The following LSR variants were observed in gnomAD, a reference collection of about 807,000 sequenced individuals.
LSR encodes lipolysis stimulated lipoprotein receptor.
Under a neutral mutation model 61.8 loss-of-function variants are expected in LSR, and 44 were observed. The observed-to-expected ratio is 0.71, with a 90% CI of 0.56 to 0.91. The LOEUF (loss-of-function observed/expected upper bound fraction) is 0.91. Among genes scored for constraint, LSR ranks in the 40% least tolerant of loss-of-function variants. The pLI is 0.00. For missense variants in LSR, 911 were observed against 830.5 expected (o/e 1.10, Z -1.19); for synonymous variants, 397 against 350.6 (o/e 1.13, Z -1.48).
Position 35,266,486 on chromosome 19 carries a change from C to T in LSR, c.906C>T (p.Asn302=), listed in dbSNP as rs142130344. 2.3e-4 allele frequency: 371 copies of T among 1,612,002 alleles called. 3 individuals are homozygous for T. In the South Asian group the frequency reaches 3.6e-3, roughly 16 times the overall value. ...TGATTCCCATGGGCCCTGCCTACAA[C>T]GGGTACCCTGGAGGATACCCTGGAG... ...PAMIPMGPAY[N]GYPGGYPGDV... is the part of the protein sequence containing the mutation. The change falls in exon 6 of 10, where the codon AAC becomes AAT. Residue 302 remains asparagine (N), a synonymous_variant. Coordinates refer to ENST00000605618, the MANE Select transcript of LSR (RefSeq NM_205834.4).
In LSR at chr19:35,262,531, G is replaced by C. The variant is rs750423560; in HGVS notation, c.632-15G>C. The C allele has an allele frequency of 6.2e-7, 1 of 1,614,180 alleles. No individual in the cohort carries two copies. The highest frequency in any genetic ancestry group is 8.5e-7 in the Non-Finnish European group (1 of 1,180,022). ...TCCCAGGCCTCCGGGCTCAGGGCCT[G>C]TTGTCTTTCTGCAGACTGGCTCTTC... On this transcript the variant is annotated splice_polypyrimidine_tract_variant and intron_variant, in intron 4 of 9. Transcript: ENST00000605618.
chr19:35,254,701 G>T (rs1178054122), intron 2 of LSR, among the ~76,000 whole-genome samples: 1 of 152,108 alleles, frequency 6.6e-6, no homozygotes, highest in African/African-American at 2.4e-5. Context: ...GTTCCCACTG[G>T]AGACCTGGCA....
intron 5 of LSR, among the ~76,000 whole-genome samples, chr19:35,265,108 T>C (rs2065979798): frequency 6.6e-6 from 1 of 152,096 alleles, no homozygotes; most frequent in Non-Finnish European, 1.5e-5. Context: ...CCTGAAAAAA[T>C]TCCACTGCTC....
intron 3 of LSR, among the ~76,000 whole-genome samples, chr19:35,260,636 G>A (rs2065915068): frequency 6.6e-6 from 1 of 152,096 alleles, no homozygotes; most frequent in South Asian, 2.1e-4. Flanking sequence ...AAGGAAGACT[G>A]GGCAACATGG....
At chr19:35,253,278 C>T (rs1240813446) in intron 2 of LSR, 4 of 152,216 alleles carry the variant, frequency 2.6e-5, no homozygotes, top group African/African-American at 4.8e-5. Context: ...CAAGATTGCG[C>T]CACTGCACTC....
At position 35,258,957 on chromosome 19, in the gene LSR, C is replaced by T; in HGVS notation, c.467C>T (p.Thr156Ile). 1 of 1,613,956 alleles carries T rather than the reference C, an allele frequency of 6.2e-7. No homozygotes were observed. The highest frequency in any genetic ancestry group is 1.1e-5 in the South Asian group (1 of 91,088). Reference sequence around the variant, plus strand: ...CATCCCGACTCAGATGCTGACCTGACCTTTGACCAGACGGCGTGGGGGGAC... The same window carrying T: ...CATCCCGACTCAGATGCTGACCTGATCTTTGACCAGACGGCGTGGGGGGAC... ...RITITGNADLTFDQTAWGDSG... is the reference protein window; with the variant it reads ...RITITGNADLIFDQTAWGDSG... Residue 156 changes from threonine (T) to isoleucine (I), a missense_variant, in exon 3 of 10, where the codon ACC becomes ATC. By Grantham distance (89) the Thr-to-Ile change is moderately conservative (BLOSUM62 -1). Coordinates refer to ENST00000605618, the MANE Select transcript of LSR (RefSeq NM_205834.4).
rs755565235 is a variant in LSR at position 35,249,206 on chromosome 19, GGCGGGAA to G, written c.109+88_109+94del. On this transcript the variant is annotated intron_variant, in intron 1 of 9. Coordinates refer to ENST00000605618, the MANE Select transcript of LSR (RefSeq NM_205834.4). ...GAGGGGGATGGATGGAGTTGGAGGC[GGCGGGAA>G]GCGGGAAGCGGGGGTCTCAGAGGCT... 18 of 1,475,372 alleles carry G rather than the reference GGCGGGAA, an allele frequency of 1.2e-5. 1 individual carries two copies. The East Asian group carries it at 1.6e-4, about 13-fold the overall frequency. The allele number at this position is 1,475,372 out of a possible 1,614,324, so 91.4% of individuals were successfully genotyped here.
Position 35,265,889 on chromosome 19 carries a change from T to C in LSR, c.779-470T>C, listed in dbSNP as rs1395075254. The stretch of plus-strand genomic sequence containing the variant: ...GGGGCTTGGCTGCCAAAGAGGATAC[T>C]TGATTTCGGCTTGTGGGGACAGTGG... On this transcript the variant is annotated intron_variant, in intron 5 of 9. Transcript: ENST00000605618. Among the ~76,000 whole-genome samples the C allele has an allele frequency of 2.0e-5, 3 of 152,182 alleles. No individual in the cohort carries two copies. In the East Asian group the frequency reaches 5.8e-4, roughly 29 times the overall value.
At chr19:35,253,885 G>A (rs1258439825) in intron 2 of LSR, among the ~76,000 whole-genome samples, 1 of 152,200 alleles carries the variant, frequency 6.6e-6, no homozygotes, top group African/African-American at 2.4e-5. Context: ...CTCTGTCTCG[G>A]GGAAGGGGCC....
rs757195652 is a variant in LSR at position 35,266,951 on chromosome 19, T to C, written c.1128T>C (p.Ser376=). Residue 376 remains serine, a synonymous_variant, in exon 8 of 10, where the codon AGT becomes AGC. Transcript: ENST00000605618. The part of the protein sequence containing the change: ...NFDPSRPGPP[S]GRVERAMSEV... ...ACCCTTCTCGACCTGGCCCCCCCAG[T>C]GGCCGTGTGGAGCGGGGTAAGCAGG... The C allele has an allele frequency of 3.7e-6, 6 of 1,612,790 alleles. No individual in the cohort carries two copies. Among genetic ancestry groups the C allele is most frequent in the Non-Finnish European group, 5.1e-6 (6 of 1,179,454 alleles).
chr19:35,261,901 T>G, intron 3 of LSR, 24 bp from the exon 4 acceptor site: 1 of 1,430,970 alleles, frequency 7.0e-7, no homozygotes, highest in Non-Finnish European at 9.2e-7. Context: ...GCCAGCATAA[T>G]CTGTTTCTCT....
chr19:35,253,105 A>C (rs2065815410), intron 2 of LSR, among the ~76,000 whole-genome samples: 1 of 152,180 alleles, frequency 6.6e-6, no homozygotes, highest in African/African-American at 2.4e-5. Flanking sequence ...GGATCACCTG[A>C]GGTCAGGAGA....
rs1171128676 is a variant in LSR at position 35,259,067 on chromosome 19, G to A, written c.574+3G>A. The A allele has an allele frequency of 6.2e-7, 1 of 1,611,960 alleles. No individual in the cohort carries two copies. The highest frequency in any genetic ancestry group is 8.5e-7 in the Non-Finnish European group (1 of 1,178,510). The stretch of plus-strand genomic sequence containing the variant: ...CTACGCAGAGCTCATCGTCCTTGGT[G>A]AGTGGGCCTGGGAAGGGGGAGGCAT... On this transcript the variant is annotated splice_donor_region_variant and intron_variant, in intron 3 of 9. Transcript: ENST00000605618.
At chr19:35,261,797 TCAGCCCC>T in intron 3 of LSR, 121 bp from the exon 4 acceptor site, 2 of 549,982 alleles carry the variant, frequency 3.6e-6, no homozygotes, top group Non-Finnish European at 6.2e-6. Context: ...CACTAGGGCT[TCAGCCCC>T]CAGCCCCTTC....
Position 35,249,004 on chromosome 19 carries a change from A to G in LSR, c.-19A>G. On this transcript the variant is annotated 5_prime_UTR_variant, in exon 1 of 10. Coordinates refer to ENST00000605618, the MANE Select transcript of LSR (RefSeq NM_205834.4). The stretch of plus-strand genomic sequence containing the variant: ...ACTTTGGAAGGGACGCGCGGGCCAG[A>G]CGCGCCCAGACGGCCGCGATGGCGC... The G allele has an allele frequency of 6.2e-7, 1 of 1,609,786 alleles. No individual in the cohort carries two copies. Among genetic ancestry groups the G allele is most frequent in the East Asian group, 2.2e-5 (1 of 44,730 alleles).
intron 1 of LSR, chr19:35,249,368 G>C: frequency 1.9e-6 from 1 of 525,744 alleles, no homozygotes; most frequent in Non-Finnish European, 3.3e-6. Flanking sequence ...CTCCCTGGAC[G>C]GTGAGACCCG....
In LSR at chr19:35,261,991, G is replaced by T. The variant is rs908059689; in HGVS notation, c.631+10G>T. 6.6e-6 allele frequency: 10 copies of T among 1,519,376 alleles called. No homozygotes were observed. Among genetic ancestry groups the T allele is most frequent in the Non-Finnish European group, 8.7e-6 (10 of 1,144,860 alleles). 94.1% of individuals were successfully genotyped at this position (1,519,376 alleles called of 1,614,324 possible). A position where few individuals can be genotyped will look rare whatever the true frequency, so the allele number is the denominator to read the frequency against. ...GCGGGGCCCATAGAAGGTACGGGGG[G>T]TGGATCCTGAGTTGGGCTTCTCGGG... is the stretch of plus-strand genomic sequence containing the variant. On this transcript the variant is annotated intron_variant, in intron 4 of 9. Coordinates refer to ENST00000605618, the MANE Select transcript of LSR (RefSeq NM_205834.4).
intron 3 of LSR, 31 bp from the exon 4 acceptor site, chr19:35,261,894 A>C (rs1398635432): frequency 7.1e-7 from 1 of 1,414,892 alleles, no homozygotes; most frequent in Non-Finnish European, 9.3e-7. Flanking sequence ...GGCTCTGGCC[A>C]GCATAATCTG....
At chr19:35,252,945 T>G (rs2065812765) in intron 2 of LSR, among the ~76,000 whole-genome samples, 1 of 151,982 alleles carries the variant, frequency 6.6e-6, no homozygotes, top group South Asian at 2.1e-4. Context: ...TGCTTGGGCT[T>G]GAGAGGTCAA....
Sources: allele counts gnomAD v4.1 joint callset (sites outside exome capture counted in the v4.1 genomes callset), GRCh38; gene constraint gnomAD v4.1.1; transcripts MANE v1.5; gene names NCBI Gene and HGNC (gene_info 2026-07-23, HGNC 2026-07-21).